NALF1: variants seen among roughly 807,000 people sequenced by gnomAD.
NALF1 encodes the protein NALCN channel auxiliary factor 1.
NALF1 carries 3 observed loss-of-function variants against 48.4 expected under a neutral mutation model. The observed-to-expected ratio is 0.06, with a 90% CI of 0.03 to 0.16. The LOEUF (loss-of-function observed/expected upper bound fraction) is 0.16. Among genes scored for constraint, NALF1 ranks in the 10% least tolerant of loss-of-function variants. The pLI is 1.00. For missense variants in NALF1, 526 were observed against 571.5 expected (o/e 0.92, Z 0.81); for synonymous variants, 262 against 245.7 (o/e 1.07, Z -0.62).
intron 1 of NALF1, among the ~76,000 whole-genome samples, chr13:107,588,513 G>A (rs1024023102): frequency 1.3e-5 from 2 of 152,038 alleles, no homozygotes; most frequent in South Asian, 2.1e-4. Context: ...TTGGGCATAC[G>A]TGAAAGACAG....
chr13:107,866,363 C>CTGCCGCTGCTGCTGCTGG lies in NALF1; in HGVS notation c.216_233dup (p.His72_Arg77dup). ...TCTGCTGCTGCTGCTGCTGCTGCTGCTGCCGCTGCTGCTGCTGGTGCTCCT... is the reference window on the plus strand; with the variant it reads ...TCTGCTGCTGCTGCTGCTGCTGCTGCTGCCGCTGCTGCTGCTGGTGCCGCTGCTGCTGCTGGTGCTCCT... On this transcript the variant is annotated inframe_insertion, in exon 1 of 3. Coordinates refer to ENST00000375915, the MANE Select transcript of NALF1 (RefSeq NM_001080396.3). The surrounding 1 kb of genome is among the most constrained non-coding windows in gnomAD (Gnocchi z 4.4). 2 of 1,569,832 alleles carry CTGCCGCTGCTGCTGCTGG rather than the reference C, an allele frequency of 1.3e-6. No homozygotes were observed. The highest frequency in any genetic ancestry group is 1.7e-6 in the Non-Finnish European group (2 of 1,143,474).
intron 1 of NALF1, among the ~76,000 whole-genome samples, chr13:107,232,990 GCAAGATTGGATC>G (rs1880258933): frequency 6.6e-6 from 1 of 152,138 alleles, no homozygotes; most frequent in Non-Finnish European, 1.5e-5. Flanking sequence ...GTTGCTAGTT[GCAAGATTGGATC>G]CAAACGGACC....
chr13:107,578,178 A>G (rs1316160417), intron 1 of NALF1, among the ~76,000 whole-genome samples: 1 of 152,144 alleles, frequency 6.6e-6, no homozygotes, highest in Non-Finnish European at 1.5e-5. Flanking sequence ...TGCTGTTGTC[A>G]TTCCGTTTGT....
intron 1 of NALF1, among the ~76,000 whole-genome samples, chr13:107,314,745 G>T (rs1288101070): frequency 6.6e-6 from 1 of 152,158 alleles, no homozygotes; most frequent in Non-Finnish European, 1.5e-5. Flanking sequence ...TAGACTGTCT[G>T]CCCTGGAAGG....
chr13:107,299,621 A>G (rs1398683296), intron 1 of NALF1, among the ~76,000 whole-genome samples: 3 of 151,782 alleles, frequency 2.0e-5, no homozygotes, highest in Non-Finnish European at 4.4e-5. Context: ...GAGCAATTTT[A>G]TATTTCACCT....
intron 2 of NALF1, among the ~76,000 whole-genome samples, chr13:107,176,569 G>A (rs1032469903): frequency 2.6e-5 from 4 of 151,916 alleles, no homozygotes; most frequent in Non-Finnish European, 5.9e-5. Context: ...GTGAACCCGG[G>A]AGGCGGAGCT....
chr13:107,866,069 C>T lies in NALF1; in HGVS notation c.528G>A (p.Ala176=). 1 of 1,612,940 alleles carries T rather than the reference C, an allele frequency of 6.2e-7. No individual in the cohort carries two copies. The highest frequency in any genetic ancestry group is 8.5e-7 in the Non-Finnish European group (1 of 1,179,952). ...WRLETCYPQG[A]SSGQCFTVEN... is the part of the protein sequence containing the mutation. Reference sequence around the variant, plus strand: ...CCACCGTGAAGCACTGGCCCGAGGACGCGCCCTGGGGGTAACAAGTCTCCA... The same window carrying T: ...CCACCGTGAAGCACTGGCCCGAGGATGCGCCCTGGGGGTAACAAGTCTCCA... Residue 176 remains alanine (A), a synonymous_variant, in exon 1 of 3, where the codon GCG becomes GCA. Transcript: ENST00000375915. The surrounding 1 kb of genome is among the most constrained non-coding windows in gnomAD (Gnocchi z 4.4).
chr13:107,613,375 T>C (rs1879292135), intron 1 of NALF1, among the ~76,000 whole-genome samples: 1 of 152,172 alleles, frequency 6.6e-6, no homozygotes, highest in Admixed American at 6.5e-5. Context: ...GGTAAATTCT[T>C]TCTCTCTCCA....
rs1487892424 is a variant in NALF1 at position 107,626,681 on chromosome 13, C to T, written c.915+239001G>A. On this transcript the variant is annotated intron_variant, in intron 1 of 2. Coordinates refer to ENST00000375915, the MANE Select transcript of NALF1 (RefSeq NM_001080396.3). ...ATTATGTTAAATGAAATAATCCAAG[C>T]ACAGAAAGACAAATATCACATGTTC... 2.0e-5 allele frequency among the ~76,000 whole-genome samples: 3 copies of T among 151,936 alleles called. No homozygotes were observed. In the East Asian group the frequency reaches 5.8e-4, roughly 29 times the overall value.
intron 1 of NALF1, among the ~76,000 whole-genome samples, chr13:107,601,195 C>T (rs896754621): frequency 6.6e-6 from 1 of 152,076 alleles, no homozygotes; most frequent in African/African-American, 2.4e-5. Flanking sequence ...ATTGAAGAAA[C>T]CCACAAGGAG....
chr13:107,577,830 C>A (rs185987321), intron 1 of NALF1, among the ~76,000 whole-genome samples: 54 of 152,256 alleles, frequency 3.5e-4, no homozygotes, highest in African/African-American at 1.2e-3. Context: ...TCCCTGTGTA[C>A]GTTCTGGTTC....
chr13:107,729,013 T>C (rs1048103629), intron 1 of NALF1, among the ~76,000 whole-genome samples: 19 of 152,188 alleles, frequency 1.2e-4, no homozygotes, highest in African/African-American at 4.6e-4. Flanking sequence ...TTGCATAGAA[T>C]GGCAATTTAA....
At chr13:107,223,166 G>C (rs9520329) in intron 1 of NALF1, among the ~76,000 whole-genome samples, 49,274 of 151,998 alleles carry the variant, frequency 0.32, 9,726 homozygotes, top group East Asian at 0.58. Flanking sequence ...AGTTTCTAGA[G>C]CCAAAGAAAG....
At chr13:107,453,444 T>C (rs1315269569) in intron 1 of NALF1, among the ~76,000 whole-genome samples, 1 of 152,150 alleles carries the variant, frequency 6.6e-6, no homozygotes, top group Non-Finnish European at 1.5e-5. Context: ...ATGGCCTGAG[T>C]TGTATCTTGG....
intron 1 of NALF1, among the ~76,000 whole-genome samples, chr13:107,865,476 G>T (rs1880685451): frequency 1.3e-5 from 2 of 152,040 alleles, no homozygotes; most frequent in African/African-American, 4.8e-5. Flanking sequence ...ATCTTCCAAG[G>T]ACTCCCAGAA....
At chr13:107,665,877 C>T (rs895133599) in intron 1 of NALF1, among the ~76,000 whole-genome samples, 1 of 152,088 alleles carries the variant, frequency 6.6e-6, no homozygotes, top group Non-Finnish European at 1.5e-5. Context: ...ATGATGCCAG[C>T]CATTTAGTCC....
intron 1 of NALF1, among the ~76,000 whole-genome samples, chr13:107,243,539 C>T (rs974999713): frequency 1.1e-4 from 17 of 152,268 alleles, no homozygotes; most frequent in African/African-American, 2.4e-5. Context: ...AAGTCAAGAC[C>T]GTATCTGCCT....
Position 107,735,984 on chromosome 13 carries a change from A to ATCTTG in NALF1, c.915+129693_915+129697dup, listed in dbSNP as rs562045053. On this transcript the variant is annotated intron_variant, in intron 1 of 2. Coordinates refer to ENST00000375915, the MANE Select transcript of NALF1 (RefSeq NM_001080396.3). ...TCTCTTATGGCATTTGCCTCATTTT[A>ATCTTG]TCTTGTCTGACATTATTTTATGTTG... 1.9e-4 allele frequency among the ~76,000 whole-genome samples: 29 copies of ATCTTG among 152,164 alleles called. No homozygotes were observed. The East Asian group carries it at 4.8e-3, about 25-fold the overall frequency.
intron 1 of NALF1, among the ~76,000 whole-genome samples, chr13:107,661,836 C>T (rs1396175769): frequency 2.0e-5 from 3 of 152,144 alleles, no homozygotes; most frequent in Admixed American, 2.0e-4. Flanking sequence ...TGATACTTAA[C>T]ACCTGCTATA....
Sources: gnomAD v4.1 joint callset for allele counts (sites outside exome capture counted in the v4.1 genomes callset) on GRCh38, gnomAD v4.1.1 for gene constraint, Gnocchi (gnomAD v3.1) non-coding constraint, MANE v1.5 for transcripts, NCBI Gene and HGNC (gene_info 2026-07-23, HGNC 2026-07-21) for gene names.